ANKS6: variants seen among roughly 807,000 people sequenced by gnomAD.
ANKS6 encodes ankyrin repeat and SAM domain-containing protein 6.
In ANKS6, 47 loss-of-function variants were observed where a neutral mutation model predicts 77.9. The observed-to-expected ratio is 0.60, with a 90% CI of 0.48 to 0.77. ANKS6 has a LOEUF of 0.77. Among genes scored for constraint, ANKS6 ranks in the 30% least tolerant of loss-of-function variants. The pLI is 0.00. For missense variants in ANKS6, 1,150 were observed against 1,159.1 expected (o/e 0.99, Z 0.11); for synonymous variants, 488 against 501.7 (o/e 0.97, Z 0.37).
chr9:98,748,374 T>G (rs1832257002), intron 13 of ANKS6, among the ~76,000 whole-genome samples: 1 of 152,210 alleles, frequency 6.6e-6, no homozygotes, highest in African/African-American at 2.4e-5. Context: ...AATATCCCAG[T>G]ATCCTTTCAA....
At chr9:98,767,350 C>T (rs985364831) in intron 11 of ANKS6, among the ~76,000 whole-genome samples, 6 of 152,126 alleles carry the variant, frequency 3.9e-5, no homozygotes. Flanking sequence ...ACCCCTGGCC[C>T]ACCCACACCC....
Position 98,789,052 on chromosome 9 carries a change from G to A in ANKS6, c.862+1052C>T, listed in dbSNP as rs62561320. Among the ~76,000 whole-genome samples, 1,099 of 143,066 alleles carry A rather than the reference G, an allele frequency of 7.7e-3. 13 individuals are homozygous for A. The highest frequency in any genetic ancestry group is 0.027 in the African/African-American group (1,031 of 38,346). 93.9% of individuals were successfully genotyped at this position (143,066 alleles called of 152,430 possible). A position where few individuals can be genotyped will look rare whatever the true frequency, so the allele number is the denominator to read the frequency against. Reference sequence around the variant, plus strand: ...GTGTATTTCTTTTTTTTTTTTTTTGGAGAGTGTATTTCTAATAAGCATTTA... The same window carrying A: ...GTGTATTTCTTTTTTTTTTTTTTTGAAGAGTGTATTTCTAATAAGCATTTA... On this transcript the variant is annotated intron_variant, in intron 2 of 14. Transcript: ENST00000353234.
chr9:98,782,428 G>A (rs192613450), intron 5 of ANKS6, 39 bp downstream of exon 5: 26 of 1,564,028 alleles, frequency 1.7e-5, no homozygotes, highest in East Asian at 6.7e-5. Flanking sequence ...TCCAAGAAAC[G>A]CTGGGTAGAT....
intron 1 of ANKS6, among the ~76,000 whole-genome samples, chr9:98,792,451 G>T (rs1234799942): frequency 6.6e-6 from 1 of 152,192 alleles, no homozygotes; most frequent in Non-Finnish European, 1.5e-5. Flanking sequence ...CATAGTGGCT[G>T]ATCCACATCG....
At chr9:98,745,468 G>A (rs778719911) in intron 14 of ANKS6, 91 bp downstream of exon 14, 85 of 1,222,900 alleles carry the variant, frequency 7.0e-5, no homozygotes, top group Non-Finnish European at 9.4e-5. Context: ...CACTGTCAGA[G>A]AGAGGAAGTA....
At chr9:98,742,445 GT>G (rs529646067) in intron 14 of ANKS6, among the ~76,000 whole-genome samples, 124 of 152,314 alleles carry the variant, frequency 8.1e-4, no homozygotes, top group African/African-American at 3.0e-3. Context: ...TGCAGCAGAA[GT>G]TAAATTTGCT....
chr9:98,756,523 G>C lies in ANKS6; in HGVS notation c.2223C>G (p.Pro741=), dbSNP rs374102165. Reference sequence around the variant, plus strand: ...ACTCTGCAGTGTGCCCTTTGGGTGAGGGGGAGGGCGTGAGGGTTGGAGAGG... The same window carrying C: ...ACTCTGCAGTGTGCCCTTTGGGTGACGGGGAGGGCGTGAGGGTTGGAGAGG... ...KSTSPTLTPS[P]SPKGHTAESS... is the part of the protein sequence containing the mutation. Residue 741 remains proline, a synonymous_variant, in exon 12 of 15, where the codon CCC becomes CCG. Coordinates refer to ENST00000353234, the MANE Select transcript of ANKS6 (RefSeq NM_173551.5). The C allele has an allele frequency of 1.1e-5, 17 of 1,607,066 alleles. 1 individual carries two copies. In the South Asian group the frequency reaches 1.9e-4, roughly 18 times the overall value.
At chr9:98,758,036 G>T (rs1832808406) in intron 11 of ANKS6, among the ~76,000 whole-genome samples, 1 of 152,106 alleles carries the variant, frequency 6.6e-6, no homozygotes, top group South Asian at 2.1e-4. Context: ...TGCATTCATT[G>T]GTGAGTCTCA....
intron 11 of ANKS6, among the ~76,000 whole-genome samples, chr9:98,765,415 T>G (rs2117992083): frequency 6.6e-6 from 1 of 152,350 alleles, no homozygotes; most frequent in African/African-American, 2.4e-5. Context: ...GCCACAGGCA[T>G]ACTAACTTGC....
chr9:98,774,455 C>T (rs754629947), intron 8 of ANKS6, among the ~76,000 whole-genome samples: 6 of 152,120 alleles, frequency 3.9e-5, no homozygotes, highest in Non-Finnish European at 7.4e-5. Context: ...GAGCTGAGAA[C>T]GACAGTTTAA....
chr9:98,795,883 A>G, intron 1 of ANKS6: 1 of 357,908 alleles, frequency 2.8e-6, no homozygotes, highest in Non-Finnish European at 4.9e-6. Flanking sequence ...CTAAGTCTCT[A>G]CAATTCTATT....
At chr9:98,774,683 C>T (rs1472169934) in intron 8 of ANKS6, among the ~76,000 whole-genome samples, 4 of 152,330 alleles carry the variant, frequency 2.6e-5, no homozygotes, top group South Asian at 2.1e-4. Flanking sequence ...GCTCCAGCCA[C>T]GCCTCCTGCT....
chr9:98,780,055 C>T, intron 6 of ANKS6, 134 bp downstream of exon 6: 1 of 1,252,928 alleles, frequency 8.0e-7, no homozygotes, highest in South Asian at 1.4e-5. Flanking sequence ...TCCTATTGCT[C>T]AATGCCAGCT....
intron 11 of ANKS6, among the ~76,000 whole-genome samples, chr9:98,759,751 A>G (rs927131956): frequency 6.6e-6 from 1 of 152,378 alleles, no homozygotes; most frequent in African/African-American, 2.4e-5. Flanking sequence ...TGGAAAGTGA[A>G]ACACTGCATA....
intron 1 of ANKS6, among the ~76,000 whole-genome samples, chr9:98,793,922 T>G (rs974858351): frequency 2.7e-5 from 4 of 146,226 alleles, no homozygotes; most frequent in African/African-American, 1.0e-4. Context: ...GAGGCCGAGG[T>G]GGGCGTTTCA....
chr9:98,736,325 T>C lies in ANKS6; in HGVS notation c.*194A>G. On this transcript the variant is annotated 3_prime_UTR_variant, in exon 15 of 15. Transcript: ENST00000353234. ...CCCACTGGACTGTTACATGGGAATC[T>C]GTCTCTGTGTGTTGAAGTTTGTTGC... 1 of 1,411,220 alleles carries C rather than the reference T, an allele frequency of 7.1e-7. No individual in the cohort carries two copies. Among genetic ancestry groups the C allele is most frequent in the African/African-American group, 1.4e-5 (1 of 69,292 alleles). 87.4% of individuals were successfully genotyped at this position (1,411,220 alleles called of 1,614,324 possible).
chr9:98,787,126 C>T lies in ANKS6; in HGVS notation c.863-2250G>A, dbSNP rs551937403. ...GGGACCTCCAAGGCCTTGGTGGGGG[C>T]TGGATTTCCGGGAACTGCACAGTAA... is the stretch of plus-strand genomic sequence containing the variant. On this transcript the variant is annotated intron_variant, in intron 2 of 14. Transcript: ENST00000353234. 5.3e-5 allele frequency among the ~76,000 whole-genome samples: 8 copies of T among 152,290 alleles called. No individual in the cohort carries two copies. The East Asian group carries it at 1.5e-3, about 29-fold the overall frequency.
intron 13 of ANKS6, 46 bp from the exon 14 acceptor site, chr9:98,745,721 T>G: frequency 6.8e-7 from 1 of 1,460,110 alleles, no homozygotes; most frequent in East Asian, 2.3e-5. Flanking sequence ...GATGCCACAG[T>G]TTCTTCCCAG....
At chr9:98,778,967 A>AC (rs1187068346) in intron 6 of ANKS6, among the ~76,000 whole-genome samples, 4 of 152,200 alleles carry the variant, frequency 2.6e-5, no homozygotes, top group Non-Finnish European at 4.4e-5. Flanking sequence ...ATGACCACTC[A>AC]GAGGTTAATG....
Sources: gnomAD v4.1 joint callset for allele counts (sites outside exome capture counted in the v4.1 genomes callset) on GRCh38, gnomAD v4.1.1 for gene constraint, MANE v1.5 for transcripts, NCBI Gene and HGNC (gene_info 2026-07-23, HGNC 2026-07-21) for gene names.